Variants in SLC2A13 observed in about 807,000 individuals in gnomAD.
SLC2A13 encodes the protein solute carrier family 2 member 13.
A neutral mutation model predicts 64.4 loss-of-function variants in SLC2A13; 32 were observed. That is an observed-to-expected ratio of 0.50 (90% CI 0.37 to 0.67). The LOEUF (loss-of-function observed/expected upper bound fraction) is 0.67, where lower values mean the gene tolerates loss of function less well. Among genes scored for constraint, SLC2A13 ranks in the 30% least tolerant of loss-of-function variants. The probability of loss-of-function intolerance (pLI) is 0.00; values close to 1 mark genes in which losing one functional copy is unlikely to be tolerated. For synonymous variants in SLC2A13, 338 were observed against 327.1 expected (o/e 1.03, Z -0.36); for missense variants, 743 against 829.2 (o/e 0.90, Z 1.28).
At chr12:40,028,588 T>C (rs1229742190) in intron 2 of SLC2A13, 79 bp from the exon 3 acceptor site, 2 of 1,365,512 alleles carry the variant, frequency 1.5e-6, no homozygotes, top group Admixed American at 2.0e-5. Context: ...TTGTGTTGTG[T>C]TGACAACAAT....
At position 40,049,936 on chromosome 12, in the gene SLC2A13, C is replaced by G. The variant is rs1948229243; in HGVS notation, c.557-1726G>C. Among the ~76,000 whole-genome samples the G allele has an allele frequency of 2.6e-5, 4 of 152,130 alleles. No homozygotes were observed. In the South Asian group the frequency reaches 8.3e-4, roughly 32 times the overall value. On this transcript the variant is annotated intron_variant, in intron 1 of 9. Transcript: ENST00000280871. Reference sequence around the variant, plus strand: ...TGCTACTGTAGTGCCTGTCAATAATCTTACGACTTTGAGTTTCATAGAATA... The same window carrying G: ...TGCTACTGTAGTGCCTGTCAATAATGTTACGACTTTGAGTTTCATAGAATA...
At chr12:40,073,245 A>G (rs547300346) in intron 1 of SLC2A13, among the ~76,000 whole-genome samples, 10 of 152,244 alleles carry the variant, frequency 6.6e-5, no homozygotes, top group African/African-American at 2.2e-4. Flanking sequence ...ATACAAGCAC[A>G]TGTACACACC....
chr12:39,780,110 G>C (rs1940926306), intron 7 of SLC2A13, among the ~76,000 whole-genome samples: 1 of 152,124 alleles, frequency 6.6e-6, no homozygotes, highest in Non-Finnish European at 1.5e-5. Context: ...TTTGTATAGA[G>C]ACTTACCGTA....
chr12:39,792,946 A>T (rs1470688817), intron 7 of SLC2A13, among the ~76,000 whole-genome samples: 1 of 152,124 alleles, frequency 6.6e-6, no homozygotes, highest in African/African-American at 2.4e-5. Flanking sequence ...AAAGTTATGA[A>T]CTTTAAGTAG....
At chr12:39,770,253 T>A (rs1323107158) in intron 7 of SLC2A13, among the ~76,000 whole-genome samples, 1 of 152,096 alleles carries the variant, frequency 6.6e-6, no homozygotes, top group African/African-American at 2.4e-5. Context: ...TTGATCTTTC[T>A]TCCAAGTTCC....
intron 5 of SLC2A13, among the ~76,000 whole-genome samples, chr12:39,866,385 C>G (rs1384510242): frequency 6.6e-6 from 1 of 152,162 alleles, no homozygotes; most frequent in Non-Finnish European, 1.5e-5. Context: ...AGGACACAAC[C>G]TTTCCATAAT....
intron 7 of SLC2A13, among the ~76,000 whole-genome samples, chr12:39,816,457 C>T (rs974534185): frequency 1.3e-5 from 2 of 149,394 alleles, no homozygotes; most frequent in African/African-American, 4.9e-5. Flanking sequence ...GGAGGGATAG[C>T]ATTAGGAGAT....
chr12:39,915,504 T>C (rs1300873510), intron 4 of SLC2A13, among the ~76,000 whole-genome samples: 2 of 151,958 alleles, frequency 1.3e-5, no homozygotes, highest in Non-Finnish European at 2.9e-5. Context: ...CACAAGACAA[T>C]TCATGGCTGA....
At chr12:40,103,264 CCCTTGCTTAGAACGT>C (rs1329142690) in intron 1 of SLC2A13, among the ~76,000 whole-genome samples, 1 of 152,166 alleles carries the variant, frequency 6.6e-6, no homozygotes, top group Non-Finnish European at 1.5e-5. Flanking sequence ...CCCATTTTGC[CCCTTGCTTAGAACGT>C]CCTTTCCTCG....
intron 7 of SLC2A13, among the ~76,000 whole-genome samples, chr12:39,812,834 CCTTT>C (rs1817408467): frequency 7.0e-6 from 1 of 143,464 alleles, no homozygotes; most frequent in South Asian, 2.2e-4. Context: ...TGTAGTATTA[CCTTT>C]TTTTTTTTTT....
intron 2 of SLC2A13, among the ~76,000 whole-genome samples, chr12:40,045,103 T>C (rs17489225): frequency 2.8e-3 from 426 of 152,288 alleles, no homozygotes; most frequent in African/African-American, 9.9e-3. Context: ...ACGCTGAAAC[T>C]GTTCATCACT....
In SLC2A13 at chr12:39,759,783, C is replaced by T. The variant is rs1777504073; in HGVS notation, c.*243G>A. ...TTTAGACTATTTCAGGAAGGCATTA[C>T]ACACATTTGCTTAAGAATTATTAGA... On this transcript the variant is annotated 3_prime_UTR_variant, in exon 10 of 10. Coordinates refer to ENST00000280871, the MANE Select transcript of SLC2A13 (RefSeq NM_052885.4). 2.2e-6 allele frequency: 1 copy of T among 464,568 alleles called. No homozygotes were observed. Among genetic ancestry groups the T allele is most frequent in the Admixed American group, 3.9e-5 (1 of 25,932 alleles). 28.8% of individuals were successfully genotyped at this position (464,568 alleles called of 1,614,324 possible).
At chr12:39,818,722 T>G (rs949722128) in intron 7 of SLC2A13, among the ~76,000 whole-genome samples, 6 of 152,200 alleles carry the variant, frequency 3.9e-5, no homozygotes, top group African/African-American at 1.4e-4. Flanking sequence ...TTCTTAAAGT[T>G]TGTTGAACAA....
chr12:39,798,373 C>T (rs148287146), intron 7 of SLC2A13, among the ~76,000 whole-genome samples: 2 of 152,240 alleles, frequency 1.3e-5, no homozygotes, highest in Non-Finnish European at 2.9e-5. Flanking sequence ...TTTAGAGTCA[C>T]TTGTGGCATA....
At chr12:39,917,426 A>C (rs1382218529) in intron 4 of SLC2A13, among the ~76,000 whole-genome samples, 1 of 152,074 alleles carries the variant, frequency 6.6e-6, no homozygotes, top group Non-Finnish European at 1.5e-5. Context: ...GGATGGGACA[A>C]AGTGTACCCA....
At chr12:39,911,733 AC>A (rs900095190) in intron 4 of SLC2A13, among the ~76,000 whole-genome samples, 4 of 152,052 alleles carry the variant, frequency 2.6e-5, no homozygotes, top group African/African-American at 9.7e-5. Context: ...GAAATTACTG[AC>A]CACCAAACTA....
At chr12:40,052,402 C>CA (rs1486001856) in intron 1 of SLC2A13, among the ~76,000 whole-genome samples, 11 of 150,634 alleles carry the variant, frequency 7.3e-5, no homozygotes, top group Non-Finnish European at 1.6e-4. Context: ...TCATGCTAAG[C>CA]AAAAAAAGGG....
chr12:39,986,398 C>T (rs1046538917), intron 3 of SLC2A13, among the ~76,000 whole-genome samples: 2 of 152,064 alleles, frequency 1.3e-5, no homozygotes, highest in Admixed American at 1.3e-4. Context: ...AGCTCTCAAT[C>T]TATGAGGTGC....
chr12:39,774,225 A>G (rs1305229282), intron 7 of SLC2A13, among the ~76,000 whole-genome samples: 1 of 152,216 alleles, frequency 6.6e-6, no homozygotes, highest in Non-Finnish European at 1.5e-5. Context: ...TCTGAGGAGA[A>G]CTAAAGAAGC....
Sources: allele counts gnomAD v4.1 joint callset (sites outside exome capture counted in the v4.1 genomes callset), GRCh38; gene constraint gnomAD v4.1.1; transcripts MANE v1.5; gene names NCBI Gene and HGNC (gene_info 2026-07-23, HGNC 2026-07-21).